ADAMTS17: variants seen among roughly 807,000 people sequenced by gnomAD.
ADAMTS17 encodes ADAM metallopeptidase with thrombospondin type 1 motif 17, also known as A disintegrin and metalloproteinase with thrombospondin motifs 17.
A neutral mutation model predicts 141.5 loss-of-function variants in ADAMTS17; 113 were observed. The observed-to-expected ratio is 0.80, with a 90% confidence interval of 0.69 to 0.93. ADAMTS17 has a LOEUF of 0.93. Among genes scored for constraint, ADAMTS17 ranks in the 40% least tolerant of loss-of-function variants. The probability of loss-of-function intolerance (pLI) is 0.00; values close to 1 mark genes in which losing one functional copy is unlikely to be tolerated. For missense variants in ADAMTS17, 1,659 were observed against 1,517.9 expected, an observed-to-expected ratio of 1.09 and a Z score of -1.54; for synonymous variants, 768 against 630.6, an observed-to-expected ratio of 1.22 and a Z score of -3.27.
At chr15:100,083,754 A>G (rs1188306901) in intron 15 of ADAMTS17, among the ~76,000 whole-genome samples, 1 of 149,712 alleles carries the variant, frequency 6.7e-6, no homozygotes, top group Non-Finnish European at 1.5e-5. Flanking sequence ...GTCATCTAGT[A>G]TGATGCTTTC....
At chr15:100,111,597 T>C (rs1403423019) in intron 13 of ADAMTS17, among the ~76,000 whole-genome samples, 1 of 152,232 alleles carries the variant, frequency 6.6e-6, no homozygotes, top group South Asian at 2.1e-4. Context: ...CCTCTACTGT[T>C]TCGTTGAAAG....
chr15:100,255,781 C>T (rs1435181984), intron 6 of ADAMTS17, among the ~76,000 whole-genome samples: 1 of 152,202 alleles, frequency 6.6e-6, no homozygotes. Flanking sequence ...AAGCCGCAGG[C>T]CAAGGCAGGC....
chr15:100,099,588 T>A (rs1177133471), intron 14 of ADAMTS17, among the ~76,000 whole-genome samples: 1 of 152,210 alleles, frequency 6.6e-6, no homozygotes, highest in Non-Finnish European at 1.5e-5. Context: ...TTCCTAGGAA[T>A]CTTCATCACC....
chr15:100,207,076 T>C (rs2041600015), intron 7 of ADAMTS17, among the ~76,000 whole-genome samples: 1 of 152,170 alleles, frequency 6.6e-6, no homozygotes, highest in Non-Finnish European at 1.5e-5. Flanking sequence ...ATCTCCAATG[T>C]CACTGTATTT....
intron 3 of ADAMTS17, among the ~76,000 whole-genome samples, chr15:100,319,722 A>T (rs1046489536): frequency 1.2e-4 from 18 of 151,992 alleles, no homozygotes; most frequent in Non-Finnish European, 2.2e-4. Context: ...GAAAAAGAAA[A>T]GAAATTCAGA....
intron 15 of ADAMTS17, among the ~76,000 whole-genome samples, chr15:100,069,606 G>A (rs1206566422): frequency 3.4e-4 from 51 of 148,442 alleles, no homozygotes; most frequent in African/African-American, 1.2e-3. Flanking sequence ...CTTAAAGAAA[G>A]GAATTTTCAA....
chr15:100,269,240 C>T (rs1418908812), intron 4 of ADAMTS17, among the ~76,000 whole-genome samples: 2 of 152,146 alleles, frequency 1.3e-5, no homozygotes, highest in African/African-American at 4.8e-5. Flanking sequence ...TGACTAAGTC[C>T]TAAAAGCAAT....
chr15:100,051,346 G>A (rs2032125491), intron 17 of ADAMTS17, among the ~76,000 whole-genome samples: 1 of 152,174 alleles, frequency 6.6e-6, no homozygotes, highest in Admixed American at 6.5e-5. Context: ...CAGAGCTGTG[G>A]GGCCCTGGGC....
chr15:100,113,611 C>T (rs893207686), intron 13 of ADAMTS17, among the ~76,000 whole-genome samples: 13 of 152,250 alleles, frequency 8.5e-5, no homozygotes, highest in Admixed American at 2.6e-4. Flanking sequence ...AGCTTCCACA[C>T]GGACAAGTTC....
chr15:100,038,502 C>A (rs2030957450), intron 18 of ADAMTS17, among the ~76,000 whole-genome samples: 1 of 152,012 alleles, frequency 6.6e-6, no homozygotes, highest in African/African-American at 2.4e-5. Context: ...AAATGAATGT[C>A]TATTTGAGAT....
chr15:100,003,038 G>A (rs957420516), intron 18 of ADAMTS17, among the ~76,000 whole-genome samples: 6 of 152,022 alleles, frequency 3.9e-5, no homozygotes, highest in African/African-American at 1.2e-4. Context: ...ATGGTGCAAT[G>A]GGCATCGCCA....
In ADAMTS17 at chr15:99,976,083, T is replaced by C. The variant is rs1326336787; in HGVS notation, c.3089A>G (p.Asp1030Gly). Residue 1030 changes from aspartate (D) to glycine (G), a missense_variant, in exon 21 of 22, where the codon GAC (aspartate) becomes GGC (glycine). Coordinates refer to ENST00000268070, the MANE Select transcript of ADAMTS17 (RefSeq NM_139057.4). ...GGTGATGGTGTTGGCGTTGATCCTG[T>C]CGTTGCAGACCTCCTGGTAGCACTG... ...YRQCYQEVCN[D>G]RINANTITSP... is the part of the protein sequence containing the mutation. 2.6e-6 allele frequency: 4 copies of C among 1,551,704 alleles called. No individual in the cohort carries two copies. Among genetic ancestry groups the C allele is most frequent in the Non-Finnish European group, 3.5e-6 (4 of 1,146,986 alleles).
intron 7 of ADAMTS17, among the ~76,000 whole-genome samples, chr15:100,243,779 G>C (rs1722648711): frequency 8.3e-6 from 1 of 120,696 alleles, no homozygotes; most frequent in East Asian, 2.6e-4. Context: ...GACAGAGCAA[G>C]ACTCCATCTT....
intron 18 of ADAMTS17, among the ~76,000 whole-genome samples, chr15:100,044,022 C>A (rs2031483052): frequency 6.6e-6 from 1 of 152,234 alleles, no homozygotes; most frequent in South Asian, 2.1e-4. Flanking sequence ...ACATGATCTT[C>A]TGGTTTCAGT....
intron 15 of ADAMTS17, among the ~76,000 whole-genome samples, chr15:100,087,929 A>C (rs2035212812): frequency 6.6e-6 from 1 of 152,238 alleles, no homozygotes; most frequent in Non-Finnish European, 1.5e-5. Context: ...AAAGTGGCAC[A>C]AGACAGGGAT....
intron 7 of ADAMTS17, among the ~76,000 whole-genome samples, chr15:100,230,510 G>T (rs1009141410): frequency 1.3e-5 from 2 of 152,170 alleles, no homozygotes; most frequent in African/African-American, 4.8e-5. Flanking sequence ...TGGAGGAAAC[G>T]GGGTTAGACT....
chr15:100,024,359 G>C (rs895733842), intron 18 of ADAMTS17, among the ~76,000 whole-genome samples: 1 of 152,188 alleles, frequency 6.6e-6, no homozygotes, highest in African/African-American at 2.4e-5. Context: ...GCCTCCCAAA[G>C]TGCTAAAGAT....
At chr15:100,016,422 G>T (rs11631669) in intron 18 of ADAMTS17, among the ~76,000 whole-genome samples, 91,852 of 151,752 alleles carry the variant, frequency 0.61, 29,901 homozygotes, top group Non-Finnish European at 0.75. Flanking sequence ...TGAGTTTTTT[G>T]GGGGTACTAA....
intron 18 of ADAMTS17, among the ~76,000 whole-genome samples, chr15:100,011,410 A>G (rs2061178033): frequency 7.4e-6 from 1 of 135,016 alleles, no homozygotes; most frequent in Non-Finnish European, 1.6e-5. Flanking sequence ...GAAGGAGGAA[A>G]GGAAAGAAGA....
Sources: gnomAD v4.1 joint callset for allele counts (sites outside exome capture counted in the v4.1 genomes callset) on GRCh38, gnomAD v4.1.1 for gene constraint, MANE v1.5 for transcripts, NCBI Gene and HGNC (gene_info 2026-07-23, HGNC 2026-07-21) for gene names.